PEG3: variants seen among roughly 807,000 people sequenced by gnomAD.
PEG3 encodes paternally expressed 3, also known as paternally-expressed gene 3 protein.
Under a neutral mutation model 35.5 loss-of-function variants are expected in PEG3, and 23 were observed. The ratio of observed to expected loss-of-function variants is 0.65; its 90% CI spans 0.47 to 0.92. PEG3 has a LOEUF of 0.92. Among genes scored for constraint, PEG3 ranks in the 40% least tolerant of loss-of-function variants. The probability of loss-of-function intolerance (pLI) is 0.00; values close to 1 mark genes in which losing one functional copy is unlikely to be tolerated. For synonymous variants in PEG3, 707 were observed against 697.0 expected (o/e 1.01, Z -0.23); for missense variants, 1,960 against 1,985.3 (o/e 0.99, Z 0.24).
At chr19:56,838,584 A>G (rs886351896) in intron 1 of PEG3, among the ~76,000 whole-genome samples, 1 of 152,220 alleles carries the variant, frequency 6.6e-6, no homozygotes, top group African/African-American at 2.4e-5. Context: ...GTCAGGCAAC[A>G]ACAGGGGAAG....
chr19:56,839,420 G>T (rs1021386256), intron 1 of PEG3, among the ~76,000 whole-genome samples: 20 of 151,384 alleles, frequency 1.3e-4, no homozygotes, highest in Admixed American at 9.8e-4. Flanking sequence ...GCGTCCAAGC[G>T]GGCAGGGCCT....
intron 1 of PEG3, among the ~76,000 whole-genome samples, chr19:56,839,893 C>T (rs1397129475): frequency 6.6e-6 from 1 of 152,270 alleles, no homozygotes; most frequent in Non-Finnish European, 1.5e-5. Context: ...CCATCTGCCG[C>T]CAACCAACCA....
At chr19:56,821,897 C>A (rs1374056892) in intron 6 of PEG3, 143 bp from the exon 7 acceptor site, 22 of 858,538 alleles carry the variant, frequency 2.6e-5, no homozygotes, top group African/African-American at 5.1e-5. Context: ...CTGTGGCAGC[C>A]TCTGAGGAGT....
rs757945902 is a variant in PEG3, at chr19:56,822,777, A to C, written c.541T>G (p.Ser181Ala). Residue 181 changes from serine to alanine, a missense_variant, in exon 6 of 10, where the codon TCC becomes GCC. Transcript: ENST00000326441. The stretch of plus-strand genomic sequence containing the variant: ...CTGCTTCTTGGGTTCCTGGTGTGGG[A>C]CCAGCGGTCTCGTGGCTCCATGTCT... The part of the protein sequence containing the change: ...SRDMEPRDRW[S>A]HTRNPRSRMP... The C allele has an allele frequency of 4.3e-6, 7 of 1,613,984 alleles. No individual in the cohort carries two copies. In the African/African-American group the frequency reaches 9.3e-5, roughly 22 times the overall value.
At chr19:56,839,368 C>A (rs572790462) in intron 1 of PEG3, among the ~76,000 whole-genome samples, 1 of 151,106 alleles carries the variant, frequency 6.6e-6, no homozygotes, top group African/African-American at 2.4e-5. Flanking sequence ...CCAACCAGGG[C>A]AGCACCTGCA....
At chr19:56,838,840 C>T (rs377426430) in intron 1 of PEG3, among the ~76,000 whole-genome samples, 2 of 152,200 alleles carry the variant, frequency 1.3e-5, no homozygotes, top group African/African-American at 2.4e-5. Flanking sequence ...GCACAGCAAC[C>T]GTGGCCCCGC....
chr19:56,817,436 C>T lies in PEG3; in HGVS notation c.1006G>A (p.Asp336Asn), dbSNP rs145308658. ...ATTCTGGGGAATCTCTGTGACCGGT[C>T]GCTTGACTCCCTTGCTCTTCCCGAT... is the stretch of plus-strand genomic sequence containing the variant. ...SKSGRARESS[D>N]RSQRFPRMSD... Residue 336 changes from aspartate (D) to asparagine (N), a missense_variant, in exon 10 of 10, where the codon GAC (aspartate) becomes AAC (asparagine). Around this residue, in one of 5 missense-constraint regions of PEG3, gnomAD observed 613 missense variants for 577.1 expected, o/e 1.06. Transcript: ENST00000326441. The T allele has an allele frequency of 6.2e-6, 10 of 1,614,054 alleles. No individual in the cohort carries two copies. Among genetic ancestry groups the T allele is most frequent in the Admixed American group, 1.7e-5 (1 of 60,020 alleles).
rs200043485 is a variant in PEG3 at position 56,836,054 on chromosome 19, C to T, written c.-199G>A. Reference sequence around the variant, plus strand: ...CACCTAGCGTTTGGACCTAGTCCCTCTTCCTCTCGCCAGTCGTCTCCAAGA... The same window carrying T: ...CACCTAGCGTTTGGACCTAGTCCCTTTTCCTCTCGCCAGTCGTCTCCAAGA... On this transcript the variant is annotated 5_prime_UTR_variant, in exon 2 of 10. Transcript: ENST00000326441. 4.9e-5 allele frequency: 25 copies of T among 508,888 alleles called. No individual in the cohort carries two copies. Among genetic ancestry groups the T allele is most frequent in the Admixed American group, 2.2e-4 (11 of 50,280 alleles). The allele number at this position is 508,888 out of a possible 1,614,324, so 31.5% of individuals were successfully genotyped here.
At position 56,817,772 on chromosome 19, in the gene PEG3, C is replaced by G; in HGVS notation, c.836G>C (p.Arg279Thr). The G allele has an allele frequency of 6.2e-7, 1 of 1,614,140 alleles. No individual in the cohort carries two copies. The change falls in exon 9 of 10, where the codon AGA becomes ACA. Residue 279 changes from arginine (R) to threonine (T), a missense_variant. Transcript: ENST00000326441. ...TCGACTGGTGCTTGGGTAGGCACTT[C>G]TCTTGGATCTTGATGAGTGGCCCTG... is the stretch of plus-strand genomic sequence containing the variant. ...MTQGHSSRSK[R>T]SAYPSTSRGL...
chr19:56,821,957 G>A (rs1157861152), intron 6 of PEG3, among the ~76,000 whole-genome samples: 1 of 151,848 alleles, frequency 6.6e-6, no homozygotes, highest in Non-Finnish European at 1.5e-5. Flanking sequence ...GCAGGGCCAG[G>A]GGCCCTGCCT....
intron 6 of PEG3, among the ~76,000 whole-genome samples, chr19:56,822,018 G>T (rs749394726): frequency 3.3e-5 from 5 of 152,136 alleles, no homozygotes; most frequent in Non-Finnish European, 7.4e-5. Context: ...CCCAAGCTGT[G>T]TGGGTCCAGG....
Position 56,816,255 on chromosome 19 carries a change from A to G in PEG3, c.2187T>C (p.Thr729=). The change falls in exon 10 of 10, where the codon ACT becomes ACC. Residue 729 remains threonine (T), a synonymous_variant. Coordinates refer to ENST00000326441, the MANE Select transcript of PEG3 (RefSeq NM_006210.3). The part of the protein sequence containing the change: ...EKSVIHSGPF[T]ESQKSHTITR... ...TTATAGTATGACTCTTCTGAGATTC[A>G]GTGAATGGCCCACTATGAATGACAG... The G allele has an allele frequency of 1.2e-6, 2 of 1,614,040 alleles. No homozygotes were observed. Among genetic ancestry groups the G allele is most frequent in the South Asian group, 1.1e-5 (1 of 91,068 alleles).
chr19:56,823,010 C>A (rs2060647469), intron 5 of PEG3, among the ~76,000 whole-genome samples, 174 bp from the exon 6 acceptor site: 1 of 152,204 alleles, frequency 6.6e-6, no homozygotes, highest in Admixed American at 6.5e-5. Flanking sequence ...TTATCATATA[C>A]CCGCAACATG....
Position 56,816,691 on chromosome 19 carries a change from A to G in PEG3, c.1751T>C (p.Ile584Thr), listed in dbSNP as rs769795114. 3 of 1,614,000 alleles carry G rather than the reference A, an allele frequency of 1.9e-6. No individual in the cohort carries two copies. In the South Asian group the frequency reaches 3.3e-5, roughly 18 times the overall value. ...ATTATCTTTGTCATCCCCAAAGTGG[A>G]TTTTCTGGTGCTCAATCAGGGCAGA... ...HSSALIEHQK[I>T]HFGDDKDNER... Residue 584 changes from isoleucine to threonine, a missense_variant, in exon 10 of 10, where the codon ATC becomes ACC. Transcript: ENST00000326441.
At chr19:56,822,712 C>T (rs200202588) in intron 6 of PEG3, 41 bp downstream of exon 6, 1 of 1,609,332 alleles carries the variant, frequency 6.2e-7, no homozygotes, top group East Asian at 2.2e-5. Context: ...ACAGCACATG[C>T]TCTATATCTC....
At position 56,816,265 on chromosome 19, in the gene PEG3, C is replaced by T. The variant is rs375408749; in HGVS notation, c.2177G>A (p.Gly726Glu). The change falls in exon 10 of 10, where the codon GGG (glycine) becomes GAG (glutamate). Residue 726 changes from glycine to glutamate, a missense_variant. Coordinates refer to ENST00000326441, the MANE Select transcript of PEG3 (RefSeq NM_006210.3). ...ACTCTTCTGAGATTCAGTGAATGGC[C>T]CACTATGAATGACAGATTTCTCATA... is the stretch of plus-strand genomic sequence containing the variant. ...RGYEKSVIHS[G>E]PFTESQKSHT... is the part of the protein sequence containing the mutation. 6.2e-7 allele frequency: 1 copy of T among 1,613,736 alleles called. No individual in the cohort carries two copies.
intron 8 of PEG3, 114 bp from the exon 9 acceptor site, chr19:56,817,949 C>CAG: frequency 2.6e-6 from 2 of 765,780 alleles, no homozygotes; most frequent in Non-Finnish European, 2.2e-6. Flanking sequence ...TGGCCCACAT[C>CAG]TGATTCCTTG....
chr19:56,813,420 C>T lies in PEG3; in HGVS notation c.*255G>A. 1 of 1,288,554 alleles carries T rather than the reference C, an allele frequency of 7.8e-7. No individual in the cohort carries two copies. The highest frequency in any genetic ancestry group is 1.5e-5 in the African/African-American group (1 of 67,920). 79.8% of individuals were successfully genotyped at this position (1,288,554 alleles called of 1,614,324 possible). A position where few individuals can be genotyped will look rare whatever the true frequency, so the allele number is the denominator to read the frequency against. On this transcript the variant is annotated 3_prime_UTR_variant, in exon 10 of 10. Transcript: ENST00000326441. The stretch of plus-strand genomic sequence containing the variant: ...GGAATACTCATAGGGTTTTCTCAAT[C>T]TGATTACTTGGAAAGGTAAGATGTG...
intron 2 of PEG3, among the ~76,000 whole-genome samples, 200 bp from the exon 3 acceptor site, chr19:56,826,663 T>C (rs1198668998): frequency 6.6e-6 from 1 of 152,136 alleles, no homozygotes; most frequent in Admixed American, 6.5e-5. Flanking sequence ...CAAACTGTCT[T>C]TATGAAACCA....
Sources: gnomAD v4.1 joint callset for allele counts (sites outside exome capture counted in the v4.1 genomes callset) on GRCh38, gnomAD v4.1.1 for gene constraint, gnomAD v4.1.1 regional missense constraint, MANE v1.5 for transcripts, NCBI Gene and HGNC (gene_info 2026-07-23, HGNC 2026-07-21) for gene names.